The following ASXL1 variants were observed in gnomAD, a reference collection of about 807,000 sequenced individuals.
ASXL1 encodes the protein polycomb group protein ASXL1.
In ASXL1, 65 loss-of-function variants were observed where a neutral mutation model predicts 89.1. The observed-to-expected ratio is 0.73, with a 90% CI of 0.60 to 0.90. ASXL1 has a LOEUF of 0.90. Among genes scored for constraint, ASXL1 ranks in the 40% least tolerant of loss-of-function variants. The pLI is 0.00. For synonymous variants in ASXL1, 739 were observed against 746.9 expected (o/e 0.99, Z 0.17); for missense variants, 1,786 against 1,942.9 (o/e 0.92, Z 1.52).
chr20:32,412,527 A>G (rs1022282079), intron 4 of ASXL1, among the ~76,000 whole-genome samples: 1 of 152,102 alleles, frequency 6.6e-6, no homozygotes, highest in Non-Finnish European at 1.5e-5. Flanking sequence ...ATGTATCACA[A>G]CCACTTCCTC....
At chr20:32,414,526 T>A (rs931364670) in intron 4 of ASXL1, among the ~76,000 whole-genome samples, 4 of 152,054 alleles carry the variant, frequency 2.6e-5, no homozygotes, top group Non-Finnish European at 4.4e-5. Context: ...CTGGGCAACA[T>A]AGCAACACCC....
intron 4 of ASXL1, among the ~76,000 whole-genome samples, chr20:32,387,959 A>G (rs1292192122): frequency 6.6e-6 from 1 of 152,210 alleles, no homozygotes; most frequent in Non-Finnish European, 1.5e-5. Context: ...CCTGGGAGTC[A>G]TCAATTTTGG....
At chr20:32,401,776 G>A (rs1158823946) in intron 4 of ASXL1, among the ~76,000 whole-genome samples, 4 of 151,986 alleles carry the variant, frequency 2.6e-5, no homozygotes, top group Non-Finnish European at 4.4e-5. Context: ...GGCTGGTCTC[G>A]AACTCCTGAC....
intron 1 of ASXL1, among the ~76,000 whole-genome samples, chr20:32,361,842 G>A (rs1383389032): frequency 2.0e-5 from 3 of 152,022 alleles, no homozygotes; most frequent in Non-Finnish European, 4.4e-5. Flanking sequence ...GAGGCAGACG[G>A]ATCACCTGAG....
rs2011644854 is a variant in ASXL1, at chr20:32,434,340, C to T, written c.1720-92C>T. ...AATTATTTGATTCTGTATGCCATGACCCTTAAGCTACTAGAATCCTAGTTT... is the reference window on the plus strand; with the variant it reads ...AATTATTTGATTCTGTATGCCATGATCCTTAAGCTACTAGAATCCTAGTTT... On this transcript the variant is annotated intron_variant, in intron 12 of 12. Coordinates refer to ENST00000375687, the MANE Select transcript of ASXL1 (RefSeq NM_015338.6). 2.1e-6 allele frequency: 3 copies of T among 1,449,312 alleles called. No individual in the cohort carries two copies. In the South Asian group the frequency reaches 3.5e-5, roughly 17 times the overall value. The allele number at this position is 1,449,312 out of a possible 1,614,324, so 89.8% of individuals were successfully genotyped here.
intron 4 of ASXL1, among the ~76,000 whole-genome samples, chr20:32,377,739 G>A (rs543745578): frequency 1.3e-5 from 2 of 150,976 alleles, no homozygotes; most frequent in South Asian, 2.2e-4. Flanking sequence ...TGCAACCTCC[G>A]CCTCCCAGGT....
At chr20:32,366,311 AG>A in intron 1 of ASXL1, 72 bp from the exon 2 acceptor site, 1 of 1,320,144 alleles carries the variant, frequency 7.6e-7, no homozygotes, top group Non-Finnish European at 1.1e-6. Flanking sequence ...GCATAACTTT[AG>A]CCCATGATAT....
chr20:32,392,670 A>G (rs1359595072), intron 4 of ASXL1, among the ~76,000 whole-genome samples: 1 of 151,738 alleles, frequency 6.6e-6, no homozygotes, highest in Non-Finnish European at 1.5e-5. Flanking sequence ...ACATTTTGAT[A>G]TGCTATGTTT....
At chr20:32,419,759 G>A (rs1450337060) in intron 4 of ASXL1, among the ~76,000 whole-genome samples, 1 of 147,790 alleles carries the variant, frequency 6.8e-6, no homozygotes, top group Non-Finnish European at 1.5e-5. Context: ...TCAGCTCACT[G>A]CAACCTCCGT....
intron 6 of ASXL1, chr20:32,428,649 A>ATTT (rs1569316921): frequency 2.4e-4 from 43 of 176,770 alleles, no homozygotes; most frequent in South Asian, 4.0e-4. Context: ...GATTTTGTTC[A>ATTT]TTCTTTTTTT....
At position 32,434,930 on chromosome 20, in the gene ASXL1, A is replaced by G. The variant is rs2145365132; in HGVS notation, c.2218A>G (p.Thr740Ala). The stretch of plus-strand genomic sequence containing the variant: ...ACTACAGAGGGCTACAGTTGGACTC[A>G]CAGATGGGCTAGGAGATGCCTCCCA... ...CLLQRATVGLTDGLGDASQLP... is the reference protein window; with the variant it reads ...CLLQRATVGLADGLGDASQLP... The change falls in exon 13 of 13, where the codon ACA becomes GCA. Residue 740 changes from threonine to alanine, a missense_variant. Thr to Ala is a moderately conservative substitution (Grantham distance 58). Coordinates refer to ENST00000375687, the MANE Select transcript of ASXL1 (RefSeq NM_015338.6). 6.2e-7 allele frequency: 1 copy of G among 1,614,228 alleles called. No homozygotes were observed. The highest frequency in any genetic ancestry group is 8.5e-7 in the Non-Finnish European group (1 of 1,180,036).
intron 1 of ASXL1, among the ~76,000 whole-genome samples, chr20:32,364,899 A>G (rs1600468603): frequency 6.6e-6 from 1 of 152,300 alleles, no homozygotes; most frequent in East Asian, 1.9e-4. Context: ...GATTTGAGGA[A>G]AGCAGGACTG....
intron 1 of ASXL1, chr20:32,359,736 T>C: frequency 1.4e-6 from 1 of 718,166 alleles, no homozygotes; most frequent in Non-Finnish European, 2.6e-6. Flanking sequence ...TGAAGCCGTC[T>C]CGTTCAACCG....
At chr20:32,372,323 G>A (rs913285118) in intron 4 of ASXL1, 5 of 1,185,798 alleles carry the variant, frequency 4.2e-6, no homozygotes, top group Non-Finnish European at 5.3e-6. Flanking sequence ...CATCTTAACT[G>A]CCTTTGGCTT....
chr20:32,429,159 A>C lies in ASXL1; in HGVS notation c.472-179A>C. ...TTTGTAGCTTGGAATGATGCTTGGC[A>C]CAGTGACCAGCACGTAGCTCAGTAA... On this transcript the variant is annotated intron_variant, in intron 6 of 12. Transcript: ENST00000375687. The surrounding 1 kb of genome is among the most constrained non-coding windows in gnomAD (Gnocchi z 4.9). 1.5e-6 allele frequency: 1 copy of C among 670,478 alleles called. No homozygotes were observed. The highest frequency in any genetic ancestry group is 2.7e-6 in the Non-Finnish European group (1 of 374,514). 41.5% of individuals were successfully genotyped at this position (670,478 alleles called of 1,614,324 possible).
chr20:32,399,143 G>A (rs929999436), intron 4 of ASXL1, among the ~76,000 whole-genome samples: 6 of 151,808 alleles, frequency 4.0e-5, no homozygotes, highest in Non-Finnish European at 7.4e-5. Flanking sequence ...CCCGGGAAGC[G>A]GAGTTTGCAG....
chr20:32,366,264 T>A (rs2048202845), intron 1 of ASXL1, 120 bp from the exon 2 acceptor site: 1 of 842,296 alleles, frequency 1.2e-6, no homozygotes, highest in South Asian at 1.4e-5. Context: ...TAATTTTAAC[T>A]GTGGAAAAAC....
chr20:32,369,253 TTTTC>T, intron 4 of ASXL1, 130 bp downstream of exon 4: 1 of 879,260 alleles, frequency 1.1e-6, no homozygotes, highest in Non-Finnish European at 1.9e-6. Flanking sequence ...ACACTGATGT[TTTTC>T]TTTTTTTTAG....
rs1386196069 is a variant in ASXL1 at position 32,433,327 on chromosome 20, C to T, written c.1129C>T (p.Gln377Ter). The T allele has an allele frequency of 2.5e-6, 4 of 1,613,970 alleles. No homozygotes were observed. The highest frequency in any genetic ancestry group is 3.4e-6 in the Non-Finnish European group (4 of 1,180,022). ...AGAGTCATTGCAGCAGAACGTGGGC[C>T]AGGAGGAGGCTGAAATCAAAAGTGG... ...KEESLQQNVG[Q>*]EEAEIKSGLC... The change falls in exon 12 of 13, where the codon CAG becomes TAG. Residue 377 changes from glutamine to a stop codon, truncating the protein, a stop_gained. Transcript: ENST00000375687. LOFTEE classifies it high-confidence loss of function.
Sources: gnomAD v4.1 joint callset for allele counts (sites outside exome capture counted in the v4.1 genomes callset) on GRCh38, gnomAD v4.1.1 for gene constraint, Gnocchi (gnomAD v3.1) non-coding constraint, MANE v1.5 for transcripts, NCBI Gene and HGNC (gene_info 2026-07-23, HGNC 2026-07-21) for gene names.